The following KIAA0319 variants were observed in gnomAD, a reference collection of about 807,000 sequenced individuals.
KIAA0319 encodes the protein dyslexia-associated protein KIAA0319.
A neutral mutation model predicts 108.4 loss-of-function variants in KIAA0319; 83 were observed. The observed-to-expected ratio is 0.77, with a 90% CI of 0.64 to 0.92. KIAA0319 has a LOEUF of 0.92. Ranked by LOEUF, KIAA0319 falls within the 40% of genes least tolerant of loss-of-function variation. The pLI is 0.00. For missense variants in KIAA0319, 1,195 were observed against 1,322.4 expected, an observed-to-expected ratio of 0.90 and a Z score of 1.49; for synonymous variants, 484 against 510.4, an observed-to-expected ratio of 0.95 and a Z score of 0.70.
chr6:24,562,111 C>T (rs1763188239), intron 16 of KIAA0319, among the ~76,000 whole-genome samples: 1 of 152,232 alleles, frequency 6.6e-6, no homozygotes, highest in Non-Finnish European at 1.5e-5. Context: ...GTTGGGATTA[C>T]AGGTATGAGC....
chr6:24,600,776 G>A (rs1402560058), intron 2 of KIAA0319: 2 of 877,090 alleles, frequency 2.3e-6, no homozygotes, highest in African/African-American at 3.5e-5. Context: ...GATCTAGTAT[G>A]CAATTCTTTT....
chr6:24,540,606 G>C (rs1035270053), downstream of KIAA0319, among the ~76,000 whole-genome samples: 3 of 151,656 alleles, frequency 2.0e-5, no homozygotes, highest in Non-Finnish European at 2.9e-5. Context: ...CTCAACAAGA[G>C]AGGCTCTAGG....
rs191227434 is a variant in KIAA0319 at position 24,545,409 on chromosome 6, C to T, written c.*1756G>A. 1.3e-5 allele frequency: 2 copies of T among 152,220 alleles called. No individual in the cohort carries two copies. The highest frequency in any genetic ancestry group is 1.9e-4 in the East Asian group (1 of 5,178). 9.4% of individuals were successfully genotyped at this position (152,220 alleles called of 1,614,324 possible). ...TCACTCCCTTCTTCCTCATTACGCC[C>T]GATGACTTTACATTTGGGCTGCTGT... On this transcript the variant is annotated 3_prime_UTR_variant, in exon 21 of 21. Coordinates refer to ENST00000378214, the MANE Select transcript of KIAA0319 (RefSeq NM_014809.4).
At chr6:24,594,426 A>C (rs1349725446) in intron 3 of KIAA0319, among the ~76,000 whole-genome samples, 2 of 151,388 alleles carry the variant, frequency 1.3e-5, no homozygotes, top group Non-Finnish European at 2.9e-5. Context: ...AGGAGTTCGA[A>C]GCCAGCCTGG....
At chr6:24,575,479 T>C (rs1470718525) in intron 10 of KIAA0319, among the ~76,000 whole-genome samples, 1 of 152,204 alleles carries the variant, frequency 6.6e-6, no homozygotes, top group Non-Finnish European at 1.5e-5. Flanking sequence ...TAGCACTTGC[T>C]ACAACCCTTA....
At chr6:24,583,773 T>C in intron 4 of KIAA0319, 71 bp from the exon 5 acceptor site, 1 of 954,282 alleles carries the variant, frequency 1.0e-6, no homozygotes, top group Non-Finnish European at 1.6e-6. Context: ...CTACACTAGA[T>C]CTGTTTTTGG....
In KIAA0319 at chr6:24,581,908, C is replaced by T. The variant is rs529657221; in HGVS notation, c.1191+341G>A. Among the ~76,000 whole-genome samples the T allele has an allele frequency of 3.3e-5, 5 of 152,254 alleles. No individual in the cohort carries two copies. The East Asian group carries it at 9.6e-4, about 29-fold the overall frequency. On this transcript the variant is annotated intron_variant, in intron 6 of 20. Coordinates refer to ENST00000378214, the MANE Select transcript of KIAA0319 (RefSeq NM_014809.4). ...CCTGTAATCCCAACACTTTGGGAGGCCAAGGAGGGCAGATCACTTGAGGTC... is the reference window on the plus strand; with the variant it reads ...CCTGTAATCCCAACACTTTGGGAGGTCAAGGAGGGCAGATCACTTGAGGTC...
intron 18 of KIAA0319, 64 bp from the exon 19 acceptor site, chr6:24,554,695 A>G (rs1762050369): frequency 1.7e-6 from 2 of 1,154,836 alleles, no homozygotes; most frequent in Non-Finnish European, 2.6e-6. Context: ...CTTTATTTTG[A>G]TGATTCATAA....
chr6:24,610,980 CA>C (rs1207098629), intron 1 of KIAA0319, among the ~76,000 whole-genome samples: 3 of 151,750 alleles, frequency 2.0e-5, no homozygotes, highest in African/African-American at 4.8e-5. Flanking sequence ...AACAAACAAA[CA>C]AAAAAACCCA....
At position 24,545,509 on chromosome 6, in the gene KIAA0319, T is replaced by A. The variant is rs1760518471; in HGVS notation, c.*1656A>T. ...CACCTGATAAGGCAGATTCTAGGCT[T>A]ATGAAGCTCAATACTGGTTAAAAAA... On this transcript the variant is annotated 3_prime_UTR_variant, in exon 21 of 21. Coordinates refer to ENST00000378214, the MANE Select transcript of KIAA0319 (RefSeq NM_014809.4). 6.6e-6 allele frequency: 1 copy of A among 152,102 alleles called. No homozygotes were observed. 9.4% of individuals were successfully genotyped at this position (152,102 alleles called of 1,614,324 possible).
intron 1 of KIAA0319, among the ~76,000 whole-genome samples, chr6:24,636,409 A>T (rs1375396727): frequency 6.6e-6 from 1 of 152,216 alleles, no homozygotes; most frequent in Non-Finnish European, 1.5e-5. Flanking sequence ...AAGAGATTTC[A>T]ATTTTTTTGC....
intron 19 of KIAA0319, among the ~76,000 whole-genome samples, chr6:24,552,651 G>A (rs1490141845): frequency 6.6e-6 from 1 of 152,096 alleles, no homozygotes; most frequent in East Asian, 1.9e-4. Flanking sequence ...TGTTGCCCTG[G>A]CTGGAGTGCA....
chr6:24,639,846 T>TAAA lies in KIAA0319; in HGVS notation c.-106+5887_-106+5889dup, dbSNP rs34542799. ...TGGGTGACAGAGTGAGACTCCATCT[T>TAAA]AAAAAAAAAAAAAAAAGTGCTGAAC... On this transcript the variant is annotated intron_variant, in intron 1 of 20. Transcript: ENST00000378214. 1.7e-3 allele frequency among the ~76,000 whole-genome samples: 233 copies of TAAA among 134,864 alleles called. 4 individuals carry two copies. The highest frequency in any genetic ancestry group is 0.015 in the Middle Eastern group (4 of 274). The allele number at this position is 134,864 out of a possible 152,430, so 88.5% of individuals were successfully genotyped here. A position where few individuals can be genotyped will look rare whatever the true frequency, so the allele number is the denominator to read the frequency against.
intron 3 of KIAA0319, among the ~76,000 whole-genome samples, chr6:24,589,260 T>C (rs1768062407): frequency 6.6e-6 from 1 of 152,196 alleles, no homozygotes; most frequent in Non-Finnish European, 1.5e-5. Context: ...GCTAGCTCTC[T>C]TTCTTCCTTG....
At chr6:24,567,358 T>C (rs1764050186) in intron 13 of KIAA0319, among the ~76,000 whole-genome samples, 1 of 151,954 alleles carries the variant, frequency 6.6e-6, no homozygotes, top group South Asian at 2.1e-4. Flanking sequence ...AAAATTGAAA[T>C]AATAACAATG....
intron 1 of KIAA0319, among the ~76,000 whole-genome samples, chr6:24,606,326 C>T (rs1054093715): frequency 2.6e-5 from 4 of 152,160 alleles, no homozygotes; most frequent in Non-Finnish European, 4.4e-5. Flanking sequence ...TGCATGACCC[C>T]TAGGCCATCT....
At chr6:24,583,525 G>A (rs1054258750) in intron 5 of KIAA0319, 79 bp downstream of exon 5, 1 of 929,372 alleles carries the variant, frequency 1.1e-6, no homozygotes, top group Non-Finnish European at 1.7e-6. Flanking sequence ...AAGAATCGGC[G>A]TTGTAAATAG....
chr6:24,582,227 C>T (rs1296512349), intron 6 of KIAA0319, 22 bp downstream of exon 6: 3 of 1,346,390 alleles, frequency 2.2e-6, no homozygotes, highest in Admixed American at 3.4e-5. Flanking sequence ...CTGTTAGACA[C>T]AACCAGTCTC....
intron 1 of KIAA0319, among the ~76,000 whole-genome samples, chr6:24,606,800 A>G (rs991444386): frequency 1.3e-5 from 2 of 152,202 alleles, no homozygotes; most frequent in African/African-American, 4.8e-5. Flanking sequence ...ATTGAATAAA[A>G]CTTCTGAGGG....
Sources: gnomAD v4.1 joint callset for allele counts (sites outside exome capture counted in the v4.1 genomes callset) on GRCh38, gnomAD v4.1.1 for gene constraint, MANE v1.5 for transcripts, NCBI Gene and HGNC (gene_info 2026-07-23, HGNC 2026-07-21) for gene names.